RBMS3: variants seen among roughly 807,000 people sequenced by gnomAD.
The protein encoded by RBMS3 is RNA binding motif single stranded interacting protein 3, also known as RNA-binding motif, single-stranded-interacting protein 3.
A neutral mutation model predicts 66.8 loss-of-function variants in RBMS3; 27 were observed. The ratio of observed to expected loss-of-function variants is 0.40; its 90% CI spans 0.30 to 0.56. The LOEUF is 0.56. Ranked by LOEUF, RBMS3 falls within the 20% of genes least tolerant of loss-of-function variation. The pLI is 0.40. For synonymous variants in RBMS3, 188 were observed against 183.0 expected, an observed-to-expected ratio of 1.03 and a Z score of -0.22; for missense variants, 513 against 549.5, an observed-to-expected ratio of 0.93 and a Z score of 0.66.
At chr3:29,300,520 T>C (rs1394174211) in intron 1 of RBMS3, among the ~76,000 whole-genome samples, 2 of 151,982 alleles carry the variant, frequency 1.3e-5, no homozygotes, top group Non-Finnish European at 2.9e-5. Flanking sequence ...AATACCATAC[T>C]GTTAGAATTT....
intron 1 of RBMS3, among the ~76,000 whole-genome samples, chr3:29,381,444 G>C (rs921423821): frequency 6.6e-6 from 1 of 152,068 alleles, no homozygotes; most frequent in African/African-American, 2.4e-5. Flanking sequence ...ACAGAAATGG[G>C]GTTGGTTTTG....
chr3:29,799,523 C>T lies in RBMS3; in HGVS notation c.637+36534C>T, dbSNP rs151232218. Among the ~76,000 whole-genome samples, 244 of 152,256 alleles carry T rather than the reference C, an allele frequency of 1.6e-3. 1 individual carries two copies. The highest frequency in any genetic ancestry group is 5.7e-3 in the African/African-American group (235 of 41,562). On this transcript the variant is annotated intron_variant, in intron 6 of 14. Coordinates refer to ENST00000383767, the MANE Select transcript of RBMS3 (RefSeq NM_001003793.3). Reference sequence around the variant, plus strand: ...GGAAGGAAAGACTTTTACTCCAAGTCAATTTAAAACTTCCTTATTCATTTT... The same window carrying T: ...GGAAGGAAAGACTTTTACTCCAAGTTAATTTAAAACTTCCTTATTCATTTT...
chr3:29,359,158 A>G (rs993204602), intron 1 of RBMS3, among the ~76,000 whole-genome samples: 13 of 152,168 alleles, frequency 8.5e-5, no homozygotes, highest in Admixed American at 6.5e-4. Context: ...GTTTTTGCCC[A>G]TTCAGTATGA....
chr3:29,866,360 T>A (rs1263171643), intron 6 of RBMS3, among the ~76,000 whole-genome samples: 2 of 152,156 alleles, frequency 1.3e-5, no homozygotes, highest in Non-Finnish European at 2.9e-5. Context: ...GTGAATGTAG[T>A]TGCTAGGAAA....
rs940981537 is a variant in RBMS3 at position 30,010,362 on chromosome 3, C to G, written c.*6500C>G. On this transcript the variant is annotated 3_prime_UTR_variant, in exon 15 of 15. Coordinates refer to ENST00000383767, the MANE Select transcript of RBMS3 (RefSeq NM_001003793.3). ...CTTCTGTTTTCTTTGATGAAGCTTT[C>G]AATAAAAAATGAAAATAAAATCAAT... The G allele has an allele frequency of 6.6e-6, 1 of 152,112 alleles. No individual in the cohort carries two copies. The highest frequency in any genetic ancestry group is 2.4e-5 in the African/African-American group (1 of 41,402). The allele number at this position is 152,112 out of a possible 1,614,324, so 9.4% of individuals were successfully genotyped here.
At chr3:29,525,521 C>T (rs563238961) in intron 3 of RBMS3, among the ~76,000 whole-genome samples, 1 of 152,284 alleles carries the variant, frequency 6.6e-6, no homozygotes, top group Admixed American at 6.5e-5. Context: ...AATCTTGCAG[C>T]TTATTAAAAG....
rs980456034 is a variant in RBMS3, at chr3:30,004,617, G to A, written c.*755G>A. The A allele has an allele frequency of 9.9e-5, 15 of 152,180 alleles. No homozygotes were observed. Among genetic ancestry groups the A allele is most frequent in the African/African-American group, 3.6e-4 (15 of 41,384 alleles). The allele number at this position is 152,180 out of a possible 1,614,324, so 9.4% of individuals were successfully genotyped here. A position where few individuals can be genotyped will look rare whatever the true frequency, so the allele number is the denominator to read the frequency against. On this transcript the variant is annotated 3_prime_UTR_variant, in exon 15 of 15. Transcript: ENST00000383767. ...TGGCAACTGCAAGAATTGGAAAAAT[G>A]CTGGGACTTTTCATGAACTTTGTCT...
At chr3:29,768,813 A>G (rs182127277) in intron 6 of RBMS3, among the ~76,000 whole-genome samples, 84 of 152,002 alleles carry the variant, frequency 5.5e-4, no homozygotes, top group Admixed American at 1.8e-3. Flanking sequence ...CACAAGCTCA[A>G]TGAGGTTTCC....
intron 3 of RBMS3, among the ~76,000 whole-genome samples, chr3:29,496,380 G>A (rs188963955): frequency 2.0e-4 from 30 of 152,106 alleles, no homozygotes; most frequent in Admixed American, 4.6e-4. Flanking sequence ...TTGAAGGTTT[G>A]CTTTATTTGA....
At chr3:29,489,759 G>T (rs574551680) in intron 3 of RBMS3, among the ~76,000 whole-genome samples, 11 of 123,460 alleles carry the variant, frequency 8.9e-5, no homozygotes, top group Middle Eastern at 4.4e-3. Flanking sequence ...AAAAAAAAAA[G>T]TACTGCTGGG....
chr3:29,673,820 A>T (rs886963225), intron 4 of RBMS3, among the ~76,000 whole-genome samples: 7 of 152,214 alleles, frequency 4.6e-5, no homozygotes, highest in African/African-American at 1.7e-4. Context: ...ATTCTACTAG[A>T]GGTACAAAGA....
chr3:29,411,153 C>T (rs949371248), intron 1 of RBMS3, among the ~76,000 whole-genome samples: 1 of 152,100 alleles, frequency 6.6e-6, no homozygotes, highest in Non-Finnish European at 1.5e-5. Flanking sequence ...ATCTGATATC[C>T]ATTCATCATA....
intron 3 of RBMS3, among the ~76,000 whole-genome samples, chr3:29,524,690 C>T (rs988840016): frequency 2.0e-5 from 3 of 151,782 alleles, no homozygotes; most frequent in Non-Finnish European, 4.4e-5. Context: ...GTGATCTGCC[C>T]TCCTTGGCCT....
chr3:29,650,366 A>G (rs2050102383), intron 4 of RBMS3, among the ~76,000 whole-genome samples: 1 of 150,940 alleles, frequency 6.6e-6, no homozygotes, highest in Admixed American at 6.6e-5. Context: ...TCACAACTCA[A>G]TACAGCCTCA....
intron 6 of RBMS3, among the ~76,000 whole-genome samples, chr3:29,770,341 T>G (rs1189690053): frequency 1.3e-5 from 2 of 152,022 alleles, no homozygotes; most frequent in Admixed American, 6.6e-5. Flanking sequence ...CATTAACATA[T>G]TATTTCTCTT....
chr3:29,368,298 C>T (rs1012759331), intron 1 of RBMS3, among the ~76,000 whole-genome samples: 2 of 152,134 alleles, frequency 1.3e-5, no homozygotes, highest in African/African-American at 4.8e-5. Flanking sequence ...CCTATTAGTA[C>T]TTAGCCTGAT....
intron 4 of RBMS3, among the ~76,000 whole-genome samples, chr3:29,628,061 A>G (rs79805902): frequency 6.6e-6 from 1 of 152,144 alleles, no homozygotes; most frequent in Non-Finnish European, 1.5e-5. Flanking sequence ...TTAAAAACCC[A>G]ATACCATCAT....
intron 3 of RBMS3, among the ~76,000 whole-genome samples, chr3:29,489,408 TCAGAAA>T (rs2043442525): frequency 6.6e-6 from 1 of 151,966 alleles, no homozygotes; most frequent in African/African-American, 2.4e-5. Flanking sequence ...TTCTATAAAC[TCAGAAA>T]TGAACTACAT....
At chr3:29,671,632 A>G (rs1433199820) in intron 4 of RBMS3, among the ~76,000 whole-genome samples, 1 of 152,364 alleles carries the variant, frequency 6.6e-6, no homozygotes, top group East Asian at 1.9e-4. Flanking sequence ...ACTACGTGAC[A>G]CATGCACAAG....
Sources: gnomAD v4.1 joint callset for allele counts (sites outside exome capture counted in the v4.1 genomes callset) on GRCh38, gnomAD v4.1.1 for gene constraint, MANE v1.5 for transcripts, NCBI Gene and HGNC (gene_info 2026-07-23, HGNC 2026-07-21) for gene names.